KLF13: variants seen among roughly 807,000 people sequenced by gnomAD.
The protein encoded by KLF13 is Krueppel-like factor 13.
In KLF13, 8 loss-of-function variants were observed where a neutral mutation model predicts 16.7. That is an observed-to-expected ratio of 0.48 (90% CI 0.28 to 0.87). The LOEUF is 0.87. Among genes scored for constraint, KLF13 ranks in the 40% least tolerant of loss-of-function variants. KLF13 has a pLI of 0.10. For missense variants in KLF13, 447 were observed against 452.2 expected (o/e 0.99, Z 0.10); for synonymous variants, 245 against 208.4 (o/e 1.18, Z -1.51).
intron 1 of KLF13, among the ~76,000 whole-genome samples, chr15:31,383,315 G>C (rs1258754493): frequency 6.6e-6 from 1 of 152,216 alleles, no homozygotes; most frequent in African/African-American, 2.4e-5. Flanking sequence ...GGGCTCTGCA[G>C]TGCTCTCCCA....
At chr15:31,359,514 C>G (rs1212360454) in intron 1 of KLF13, among the ~76,000 whole-genome samples, 1 of 152,104 alleles carries the variant, frequency 6.6e-6, no homozygotes, top group East Asian at 1.9e-4. Context: ...GTGAAAGGTA[C>G]GTGTGTGTAC....
chr15:31,341,144 A>T (rs1413086829), intron 1 of KLF13, among the ~76,000 whole-genome samples: 1 of 152,204 alleles, frequency 6.6e-6, no homozygotes, highest in Non-Finnish European at 1.5e-5. Flanking sequence ...CATCAGAGAA[A>T]GGCCTTCTTG....
At chr15:31,358,062 G>A (rs1035518800) in intron 1 of KLF13, among the ~76,000 whole-genome samples, 1 of 152,216 alleles carries the variant, frequency 6.6e-6, no homozygotes, top group Non-Finnish European at 1.5e-5. Flanking sequence ...TGCAGGAGGC[G>A]TGGGGAGAGA....
intron 1 of KLF13, among the ~76,000 whole-genome samples, chr15:31,416,637 G>A (rs2040259901): frequency 6.6e-6 from 1 of 152,028 alleles, no homozygotes; most frequent in Non-Finnish European, 1.5e-5. Context: ...TCTTTAATTA[G>A]ATAAAGGCAT....
chr15:31,327,045 G>C lies in KLF13; in HGVS notation c.-168G>C, dbSNP rs1461490840. On this transcript the variant is annotated 5_prime_UTR_variant, in exon 1 of 2. Transcript: ENST00000307145. ...CGGGCCGGCGCCTCGCAGACGCGGA[G>C]CCGCGCGGGTGACGGCACAGGCGGC... is the stretch of plus-strand genomic sequence containing the variant. 2.0e-6 allele frequency: 1 copy of C among 503,734 alleles called. No individual in the cohort carries two copies. The highest frequency in any genetic ancestry group is 2.7e-6 in the Non-Finnish European group (1 of 373,624). The allele number at this position is 503,734 out of a possible 1,614,324, so 31.2% of individuals were successfully genotyped here.
chr15:31,337,292 AGTT>A (rs1452514338), intron 1 of KLF13, among the ~76,000 whole-genome samples: 1 of 152,140 alleles, frequency 6.6e-6, no homozygotes, highest in African/African-American at 2.4e-5. Flanking sequence ...CTTGTCCACC[AGTT>A]GTTGTTTTTG....
chr15:31,403,083 C>T (rs987947181), intron 2 of KLF13, among the ~76,000 whole-genome samples: 7 of 152,330 alleles, frequency 4.6e-5, no homozygotes, highest in East Asian at 1.9e-4. Context: ...TCTCTCTCTA[C>T]GGCTCGATTG....
chr15:31,432,322 A>C (rs560552764), intron 1 of KLF13, among the ~76,000 whole-genome samples: 2 of 151,736 alleles, frequency 1.3e-5, no homozygotes, highest in South Asian at 4.2e-4. Flanking sequence ...AAGGTTCCAT[A>C]CCAGCCAACC....
chr15:31,394,129 A>G (rs1041577934), intron 2 of KLF13, among the ~76,000 whole-genome samples: 3 of 152,090 alleles, frequency 2.0e-5, no homozygotes, highest in African/African-American at 7.2e-5. Flanking sequence ...TAAAGGAAAA[A>G]AAAGGAAGGT....
chr15:31,331,077 C>T (rs2038823106), intron 1 of KLF13, among the ~76,000 whole-genome samples: 1 of 152,214 alleles, frequency 6.6e-6, no homozygotes, highest in Non-Finnish European at 1.5e-5. Context: ...GCCACTTGGT[C>T]TTTCTTGGCA....
intron 1 of KLF13, among the ~76,000 whole-genome samples, chr15:31,429,956 G>T (rs887507548): frequency 2.0e-5 from 3 of 151,918 alleles, no homozygotes; most frequent in Non-Finnish European, 2.9e-5. Flanking sequence ...GGATGGTCTC[G>T]ATCTCCTGAC....
chr15:31,405,353 A>AC (rs2040110893), downstream of KLF13, among the ~76,000 whole-genome samples: 1 of 151,918 alleles, frequency 6.6e-6, no homozygotes, highest in Non-Finnish European at 1.5e-5. Context: ...AGCTTGGAGA[A>AC]CCCCCTCTCC....
intron 1 of KLF13, among the ~76,000 whole-genome samples, chr15:31,333,699 A>T (rs1367735339): frequency 6.6e-6 from 1 of 152,158 alleles, no homozygotes; most frequent in African/African-American, 2.4e-5. Flanking sequence ...TAAAATGTCC[A>T]GTATAGGATT....
intron 1 of KLF13, among the ~76,000 whole-genome samples, chr15:31,358,621 T>C (rs2039336551): frequency 6.6e-6 from 1 of 152,244 alleles, no homozygotes; most frequent in African/African-American, 2.4e-5. Context: ...ATTGAGTTCT[T>C]TATGTATTTT....
At chr15:31,338,852 G>C (rs1315651736) in intron 1 of KLF13, among the ~76,000 whole-genome samples, 1 of 151,926 alleles carries the variant, frequency 6.6e-6, no homozygotes. Flanking sequence ...TTGTACTGTG[G>C]GATCTGAGCA....
In KLF13 at chr15:31,383,666, C is replaced by T. The variant is rs551937091; in HGVS notation, n.224-51704C>T. On this transcript the variant is annotated intron_variant and non_coding_transcript_variant, in intron 1 of 1. Transcript: ENST00000558921. The stretch of plus-strand genomic sequence containing the variant: ...CTATAATCCCAGCACTTTGGGAGGC[C>T]AAGGCGGGCAGATCACGAGGTCAGG... 7.9e-5 allele frequency among the ~76,000 whole-genome samples: 12 copies of T among 152,196 alleles called. No homozygotes were observed. In the South Asian group the frequency reaches 1.2e-3, roughly 16 times the overall value.
intron 1 of KLF13, among the ~76,000 whole-genome samples, chr15:31,342,293 T>A (rs900108936): frequency 5.3e-5 from 8 of 152,170 alleles, no homozygotes; most frequent in Non-Finnish European, 8.8e-5. Context: ...GAAAGGACTT[T>A]CGGAGACCAG....
intron 1 of KLF13, among the ~76,000 whole-genome samples, chr15:31,342,518 A>G (rs914880190): frequency 1.4e-4 from 22 of 152,170 alleles, no homozygotes; most frequent in African/African-American, 4.6e-4. Flanking sequence ...AGCTCCTTCA[A>G]GTGGGGCGAG....
At chr15:31,379,005 CCA>C (rs1030113678), downstream of KLF13, among the ~76,000 whole-genome samples, 3 of 152,164 alleles carry the variant, frequency 2.0e-5, no homozygotes, top group African/African-American at 7.2e-5. Flanking sequence ...CAGGATTGAG[CCA>C]CCATACCAGG....
Sources: gnomAD v4.1 joint callset for allele counts (sites outside exome capture counted in the v4.1 genomes callset) on GRCh38, gnomAD v4.1.1 for gene constraint, MANE v1.5 for transcripts, NCBI Gene and HGNC (gene_info 2026-07-23, HGNC 2026-07-21) for gene names.